PUM2: variants seen among roughly 807,000 people sequenced by gnomAD.
PUM2 encodes the protein pumilio RNA binding family member 2, also known as pumilio homolog 2.
A neutral mutation model predicts 124.5 loss-of-function variants in PUM2; 57 were observed. The observed-to-expected ratio is 0.46, with a 90% CI of 0.37 to 0.57. The LOEUF (loss-of-function observed/expected upper bound fraction) is 0.57. Among genes scored for constraint, PUM2 ranks in the 20% least tolerant of loss-of-function variants. PUM2 has a pLI of 0.00. For missense variants in PUM2, 1,065 were observed against 1,290.6 expected (o/e 0.83, Z 2.68); for synonymous variants, 460 against 446.1 (o/e 1.03, Z -0.39).
intron 1 of PUM2, among the ~76,000 whole-genome samples, chr2:20,336,140 A>T (rs1313784587): frequency 6.6e-6 from 1 of 152,220 alleles, no homozygotes; most frequent in Admixed American, 6.5e-5. Flanking sequence ...AATGAAGATG[A>T]CAAGCTTTAG....
At chr2:20,339,250 A>C (rs988910726) in intron 1 of PUM2, among the ~76,000 whole-genome samples, 1 of 152,172 alleles carries the variant, frequency 6.6e-6, no homozygotes, top group African/African-American at 2.4e-5. Context: ...GCAAGGTGGT[A>C]CATATCTGTA....
chr2:20,341,803 T>C (rs1687276023), intron 1 of PUM2, among the ~76,000 whole-genome samples: 1 of 152,124 alleles, frequency 6.6e-6, no homozygotes, highest in Admixed American at 6.6e-5. Flanking sequence ...TCAATTAGAA[T>C]TAATACCTCA....
At position 20,312,376 on chromosome 2, in the gene PUM2, C is replaced by G. The variant is rs1390445838; in HGVS notation, c.208G>C (p.Gly70Arg). The G allele has an allele frequency of 6.2e-7, 1 of 1,613,772 alleles. No individual in the cohort carries two copies. Among genetic ancestry groups the G allele is most frequent in the South Asian group, 1.1e-5 (1 of 91,062 alleles). ...PIMVQRRSGQ[G>R]FHGNSEVNAI... is the part of the protein sequence containing the mutation. ...TTTACTTCACTGTTTCCATGAAAAC[C>G]CTGTCCAGATCTTCTCTGTACCATA... The change falls in exon 4 of 21, where the codon GGT (glycine) becomes CGT (arginine). Residue 70 changes from glycine (G) to arginine (R), a missense_variant. By Grantham distance (125) the Gly-to-Arg change is moderately radical (BLOSUM62 -2). Coordinates refer to ENST00000361078, the MANE Select transcript of PUM2 (RefSeq NM_015317.5).
rs374361126 is a variant in PUM2, at chr2:20,312,185, C to G, written c.348+51G>C. 71 of 1,461,132 alleles carry G rather than the reference C, an allele frequency of 4.9e-5. No individual in the cohort carries two copies. The Middle Eastern group carries it at 5.3e-4, about 11-fold the overall frequency. The allele number at this position is 1,461,132 out of a possible 1,614,324, so 90.5% of individuals were successfully genotyped here. A position where few individuals can be genotyped will look rare whatever the true frequency, so the allele number is the denominator to read the frequency against. On this transcript the variant is annotated intron_variant, in intron 4 of 20. Transcript: ENST00000361078. ...TGAATTAAAAATAAAAGTAACGTAA[C>G]CAAATAACTCTCAAGCAAATATTAA...
At chr2:20,306,861 C>G (rs1678451091) in intron 7 of PUM2, among the ~76,000 whole-genome samples, 2 of 151,774 alleles carry the variant, frequency 1.3e-5, no homozygotes, top group African/African-American at 4.8e-5. Context: ...CCTGCCTCAG[C>G]CTCCCAAAGT....
chr2:20,273,203 A>G (rs1488464069), intron 13 of PUM2, among the ~76,000 whole-genome samples: 1 of 152,192 alleles, frequency 6.6e-6, no homozygotes, highest in East Asian at 1.9e-4. Context: ...GGACGAAACT[A>G]TTTTTGTGCT....
At chr2:20,288,889 CATACAA>C (rs1673341957) in intron 10 of PUM2, among the ~76,000 whole-genome samples, 1 of 152,136 alleles carries the variant, frequency 6.6e-6, no homozygotes, top group Non-Finnish European at 1.5e-5. Context: ...GTCACTGAAA[CATACAA>C]ATACAAATCC....
intron 13 of PUM2, among the ~76,000 whole-genome samples, chr2:20,273,209 G>C (rs952670281): frequency 1.3e-5 from 2 of 152,172 alleles, no homozygotes; most frequent in African/African-American, 4.8e-5. Context: ...AACTATTTTT[G>C]TGCTGACTAT....
At chr2:20,303,558 A>G (rs1012152646) in intron 7 of PUM2, among the ~76,000 whole-genome samples, 2 of 152,150 alleles carry the variant, frequency 1.3e-5, no homozygotes, top group Non-Finnish European at 2.9e-5. Flanking sequence ...TTTGCCCAGA[A>G]AAATCACGTC....
intron 10 of PUM2, 81 bp downstream of exon 10, chr2:20,290,567 TTTGA>T: frequency 7.4e-7 from 1 of 1,358,636 alleles, no homozygotes; most frequent in Non-Finnish European, 9.8e-7. Context: ...TTAAATACAG[TTTGA>T]TTTTTTTCAC....
intron 13 of PUM2, among the ~76,000 whole-genome samples, chr2:20,269,228 T>G (rs1375490909): frequency 6.6e-6 from 1 of 151,794 alleles, no homozygotes; most frequent in African/African-American, 2.4e-5. Flanking sequence ...TGAGACGGAG[T>G]GCCACTCTGT....
intron 2 of PUM2, chr2:20,326,120 T>A (rs562321277): frequency 1.6e-6 from 1 of 637,374 alleles, no homozygotes; most frequent in African/African-American, 1.9e-5. Flanking sequence ...TAACCAGATA[T>A]TGCACTGCAG....
chr2:20,277,774 A>C (rs1229021982), intron 13 of PUM2, among the ~76,000 whole-genome samples: 1 of 152,282 alleles, frequency 6.6e-6, no homozygotes, highest in Non-Finnish European at 1.5e-5. Context: ...TGGCAATAGA[A>C]TCCCTCAGTT....
chr2:20,342,061 G>C lies in PUM2; in HGVS notation c.-19+8536C>G, dbSNP rs373710127. Among the ~76,000 whole-genome samples, 102 of 151,510 alleles carry C rather than the reference G, an allele frequency of 6.7e-4. 2 individuals are homozygous for C. In the South Asian group the frequency reaches 0.02, roughly 30 times the overall value. On this transcript the variant is annotated intron_variant, in intron 1 of 20. Transcript: ENST00000361078. The stretch of plus-strand genomic sequence containing the variant: ...GGAGAATCGCTTAAACCCAGGAGGT[G>C]GTGGTTGCATGGAGCGGAGATTGCG...
chr2:20,254,373 T>G (rs1332132757), intron 19 of PUM2, among the ~76,000 whole-genome samples: 2 of 152,216 alleles, frequency 1.3e-5, no homozygotes, highest in Non-Finnish European at 2.9e-5. Context: ...CAGGCTGATC[T>G]CGAATTCCTG....
intron 1 of PUM2, among the ~76,000 whole-genome samples, chr2:20,329,958 A>G (rs1266302303): frequency 2.0e-5 from 3 of 152,172 alleles, no homozygotes; most frequent in East Asian, 3.8e-4. Context: ...TGAGAGTCAA[A>G]TCTACAGATT....
chr2:20,287,697 C>T (rs1180301849), intron 10 of PUM2, among the ~76,000 whole-genome samples: 2 of 152,006 alleles, frequency 1.3e-5, no homozygotes, highest in Non-Finnish European at 1.5e-5. Flanking sequence ...AGACCAGTCT[C>T]GCAACACAGA....
At chr2:20,342,306 T>C (rs989574153) in intron 1 of PUM2, among the ~76,000 whole-genome samples, 1 of 152,168 alleles carries the variant, frequency 6.6e-6, no homozygotes, top group Non-Finnish European at 1.5e-5. Flanking sequence ...ACCAACTCAG[T>C]GTTCTCAGAA....
intron 14 of PUM2, among the ~76,000 whole-genome samples, chr2:20,261,422 A>AAAAAAG (rs1666230432): frequency 2.1e-5 from 3 of 144,616 alleles, no homozygotes; most frequent in Non-Finnish European, 4.5e-5. Flanking sequence ...AAAAAAAAAA[A>AAAAAAG]GTGTAGTACA....
Sources: gnomAD v4.1 joint callset for allele counts (sites outside exome capture counted in the v4.1 genomes callset) on GRCh38, gnomAD v4.1.1 for gene constraint, MANE v1.5 for transcripts, NCBI Gene and HGNC (gene_info 2026-07-23, HGNC 2026-07-21) for gene names.